Variants in COA1 observed in about 807,000 individuals in gnomAD.
COA1 encodes the protein cytochrome c oxidase assembly factor 1 homolog.
A neutral mutation model predicts 16.0 loss-of-function variants in COA1; 13 were observed. That is an observed-to-expected ratio of 0.81 (90% CI 0.53 to 1.29). The LOEUF (loss-of-function observed/expected upper bound fraction) is 1.29, where lower values mean the gene tolerates loss of function less well. Among genes scored for constraint, COA1 ranks in the 50% most tolerant of loss-of-function variants. The pLI is 0.00. For synonymous variants in COA1, 65 were observed against 65.7 expected (o/e 0.99, Z 0.05); for missense variants, 179 against 177.0 (o/e 1.01, Z -0.06).
At chr7:43,714,181 A>G (rs2095331448) in intron 1 of COA1, among the ~76,000 whole-genome samples, 2 of 151,064 alleles carry the variant, frequency 1.3e-5, no homozygotes, top group Non-Finnish European at 3.0e-5. Context: ...GAGCAAAACC[A>G]TGTCTCTAAA....
At chr7:43,728,256 G>A (rs2095660329) in intron 1 of COA1, among the ~76,000 whole-genome samples, 1 of 152,208 alleles carries the variant, frequency 6.6e-6, no homozygotes, top group Non-Finnish European at 1.5e-5. Flanking sequence ...TTACAGGCGT[G>A]AGGCACCGCT....
intron 1 of COA1, among the ~76,000 whole-genome samples, chr7:43,704,935 T>A (rs1459437088): frequency 6.6e-6 from 1 of 152,230 alleles, no homozygotes; most frequent in Non-Finnish European, 1.5e-5. Flanking sequence ...TGTGGGCTGA[T>A]ATCCTGTAAT....
chr7:43,674,419 A>G (rs1489491010), intron 1 of COA1, among the ~76,000 whole-genome samples: 2 of 152,258 alleles, frequency 1.3e-5, no homozygotes, highest in African/African-American at 4.8e-5. Context: ...ATATAATACA[A>G]CGTTTGGCAA....
chr7:43,655,477 C>A (rs2091567689), intron 1 of COA1, among the ~76,000 whole-genome samples: 1 of 152,010 alleles, frequency 6.6e-6, no homozygotes, highest in Admixed American at 6.6e-5. Context: ...ATGGTGAAAC[C>A]CCCATCTCTA....
At chr7:43,702,111 C>G (rs2094770086) in intron 1 of COA1, among the ~76,000 whole-genome samples, 1 of 151,992 alleles carries the variant, frequency 6.6e-6, no homozygotes, top group South Asian at 2.1e-4. Context: ...TGTTTTGTTG[C>G]AATTGCTTTG....
intron 1 of COA1, among the ~76,000 whole-genome samples, chr7:43,724,571 T>C (rs1367411697): frequency 1.3e-5 from 2 of 150,016 alleles, no homozygotes; most frequent in South Asian, 2.1e-4. Context: ...AAAAAAAGAA[T>C]TGAAAGCAGG....
chr7:43,703,190 G>A (rs2094820991), intron 1 of COA1, among the ~76,000 whole-genome samples: 1 of 152,070 alleles, frequency 6.6e-6, no homozygotes, highest in Non-Finnish European at 1.5e-5. Context: ...ATTGCACTGT[G>A]GTCTGACAGT....
chr7:43,659,650 G>A (rs1470627881), intron 1 of COA1, among the ~76,000 whole-genome samples: 1 of 152,074 alleles, frequency 6.6e-6, no homozygotes, highest in African/African-American at 2.4e-5. Context: ...ACTACAAAAG[G>A]AATCTGGGAG....
chr7:43,644,759 T>TAGATAGGCAGGC (rs1232562622), intron 4 of COA1, among the ~76,000 whole-genome samples: 1 of 114,686 alleles, frequency 8.7e-6, no homozygotes, highest in South Asian at 2.8e-4. Context: ...GATAGATAGA[T>TAGATAGGCAGGC]AGGCAGGCAG....
At chr7:43,673,870 AT>A (rs1183419354) in intron 1 of COA1, among the ~76,000 whole-genome samples, 2 of 152,222 alleles carry the variant, frequency 1.3e-5, no homozygotes, top group African/African-American at 4.8e-5. Context: ...GGAGGCCATT[AT>A]CCTAAGTGAA....
At chr7:43,648,232 T>TA (rs1323229635) in intron 2 of COA1, 1 of 347,080 alleles carries the variant, frequency 2.9e-6, no homozygotes, top group Non-Finnish European at 5.4e-6. Flanking sequence ...TAAAGTTAAT[T>TA]ACAGTAATGT....
chr7:43,691,419 G>GA (rs1219980031), intron 1 of COA1, among the ~76,000 whole-genome samples: 1 of 82,270 alleles, frequency 1.2e-5, no homozygotes, highest in African/African-American at 4.7e-5. Flanking sequence ...AAGGAAGAAA[G>GA]AAAAAGAAAG....
intron 6 of COA1, among the ~76,000 whole-genome samples, chr7:43,630,027 G>A: frequency 6.6e-6 from 1 of 152,152 alleles, no homozygotes. Context: ...GTTTGGTGAG[G>A]TTTTATTAGA....
intron 1 of COA1, among the ~76,000 whole-genome samples, chr7:43,705,868 C>T (rs761484082): frequency 3.9e-5 from 6 of 152,174 alleles, no homozygotes; most frequent in East Asian, 3.8e-4. Context: ...TCCCTAGGAG[C>T]GACTCAGGGC....
At chr7:43,654,189 A>G (rs923253928) in intron 1 of COA1, among the ~76,000 whole-genome samples, 1 of 152,158 alleles carries the variant, frequency 6.6e-6, no homozygotes, top group Non-Finnish European at 1.5e-5. Context: ...TGTAGCAATC[A>G]GGAAACAGGC....
intron 1 of COA1, among the ~76,000 whole-genome samples, chr7:43,696,328 C>T (rs2094525362): frequency 2.0e-5 from 3 of 152,016 alleles, no homozygotes; most frequent in Non-Finnish European, 2.9e-5. Flanking sequence ...GAACCGCCCC[C>T]AATGATTCAA....
downstream of COA1, among the ~76,000 whole-genome samples, chr7:43,638,049 C>T (rs187957124): frequency 6.2e-4 from 95 of 152,194 alleles, no homozygotes; most frequent in Admixed American, 1.3e-3. Context: ...TTTTAAAAGA[C>T]TGTAGAGATT....
chr7:43,720,607 T>A (rs849166), intron 1 of COA1, among the ~76,000 whole-genome samples: 65,683 of 151,866 alleles, frequency 0.43, 14,645 homozygotes, highest in African/African-American at 0.55. Flanking sequence ...AGGTGAAAAA[T>A]CATTGTTCTG....
At position 43,624,448 on chromosome 7, in the gene COA1, A is replaced by G. The variant is rs147982306; in HGVS notation, c.*134-14953T>C. 3.5e-6 allele frequency: 5 copies of G among 1,442,464 alleles called. No individual in the cohort carries two copies. The African/African-American group carries it at 5.7e-5, about 17-fold the overall frequency. 89.4% of individuals were successfully genotyped at this position (1,442,464 alleles called of 1,614,324 possible). The stretch of plus-strand genomic sequence containing the variant: ...CTTCCCAAAATATAATGCAATAAAT[A>G]CAGTACCTTATGCTCTAATTTTAAT... On this transcript the variant is annotated intron_variant and NMD_transcript_variant, in intron 6 of 6. Coordinates refer to the COA1 transcript ENST00000415076.
Sources: allele counts gnomAD v4.1 joint callset (sites outside exome capture counted in the v4.1 genomes callset), GRCh38; gene constraint gnomAD v4.1.1; transcripts MANE v1.5; gene names NCBI Gene and HGNC (gene_info 2026-07-23, HGNC 2026-07-21).